TLE3: variants seen among roughly 807,000 people sequenced by gnomAD.
TLE3 encodes transducin-like enhancer protein 3.
TLE3 carries 14 observed loss-of-function variants against 93.0 expected under a neutral mutation model. That is an observed-to-expected ratio of 0.15 (90% CI 0.10 to 0.24). TLE3 has a LOEUF of 0.24. TLE3 is among the 10% of genes least tolerant of loss of function. The pLI is 1.00. For missense variants in TLE3, 693 were observed against 1,046.6 expected (o/e 0.66, Z 4.66); for synonymous variants, 451 against 425.0 (o/e 1.06, Z -0.75).
chr15:70,048,657 A>C lies in TLE3; in HGVS notation c.*1440T>G, dbSNP rs1294859559. ...AAAAAAAAGACCAAAAGGAAAAAAA[A>C]AACAAACAAAAAAAACCCAACCCAA... On this transcript the variant is annotated 3_prime_UTR_variant, in exon 20 of 20. Transcript: ENST00000451782. The C allele has an allele frequency of 6.6e-6, 1 of 152,072 alleles. No homozygotes were observed. The highest frequency in any genetic ancestry group is 1.5e-5 in the Non-Finnish European group (1 of 67,990). 9.4% of individuals were successfully genotyped at this position (152,072 alleles called of 1,614,324 possible). A position where few individuals can be genotyped will look rare whatever the true frequency, so the allele number is the denominator to read the frequency against.
chr15:70,051,590 C>A, intron 18 of TLE3, 123 bp from the exon 19 acceptor site: 2 of 486,758 alleles, frequency 4.1e-6, no homozygotes, highest in Non-Finnish European at 6.0e-6. Context: ...TATAACTCTC[C>A]AATTTCGAGA....
At chr15:70,053,457 A>C in intron 16 of TLE3, 83 bp from the exon 17 acceptor site, 11 of 1,480,728 alleles carry the variant, frequency 7.4e-6, no homozygotes, top group Non-Finnish European at 1.0e-5. Flanking sequence ...CAGTCTGAGC[A>C]GAAGAGAAAA....
chr15:70,072,136 G>A (rs1003093579), intron 6 of TLE3, among the ~76,000 whole-genome samples: 4 of 152,184 alleles, frequency 2.6e-5, no homozygotes, highest in Non-Finnish European at 5.9e-5. Flanking sequence ...TTGAAAATGG[G>A]GGTCACAGGC....
intron 15 of TLE3, 173 bp downstream of exon 15, chr15:70,054,876 A>G: frequency 1.6e-6 from 2 of 1,231,468 alleles, no homozygotes; most frequent in Non-Finnish European, 2.2e-6. Context: ...AGGAGGTCAG[A>G]ATCAGCCCCA....
At chr15:70,084,640 G>C (rs563396716) in intron 4 of TLE3, among the ~76,000 whole-genome samples, 2 of 152,310 alleles carry the variant, frequency 1.3e-5, no homozygotes, top group Admixed American at 1.3e-4. Flanking sequence ...TTCCAGTTCT[G>C]AATTGGCCAC....
At chr15:70,082,491 TG>T (rs1196497985) in intron 4 of TLE3, among the ~76,000 whole-genome samples, 1 of 152,198 alleles carries the variant, frequency 6.6e-6, no homozygotes, top group Non-Finnish European at 1.5e-5. Flanking sequence ...CTCCCGCTAC[TG>T]GAGGGGCTGG....
chr15:70,085,745 C>T (rs544637281), intron 4 of TLE3, among the ~76,000 whole-genome samples: 1 of 152,326 alleles, frequency 6.6e-6, no homozygotes, highest in African/African-American at 2.4e-5. Flanking sequence ...GAGCTCTAAA[C>T]CAGGCTGCTT....
At chr15:70,076,680 T>C (rs1465300184) in intron 4 of TLE3, among the ~76,000 whole-genome samples, 2 of 152,126 alleles carry the variant, frequency 1.3e-5, no homozygotes, top group Non-Finnish European at 2.9e-5. Context: ...CTCCCCCACA[T>C]ATATGCTACC....
In TLE3 at chr15:70,058,041, C is replaced by T. The variant is rs889332525; in HGVS notation, c.1051+118G>A. The T allele has an allele frequency of 1.3e-6, 2 of 1,490,392 alleles. No individual in the cohort carries two copies. Among genetic ancestry groups the T allele is most frequent in the Admixed American group, 2.1e-5 (1 of 48,564 alleles). The allele number at this position is 1,490,392 out of a possible 1,614,324, so 92.3% of individuals were successfully genotyped here. A position where few individuals can be genotyped will look rare whatever the true frequency, so the allele number is the denominator to read the frequency against. ...TGACCGTGAAGTCCCCAGGGGCAGG[C>T]CCTGGGAGACACTGCCTGTGCTCTA... On this transcript the variant is annotated intron_variant, in intron 12 of 19. Coordinates refer to ENST00000451782, the MANE Select transcript of TLE3 (RefSeq NM_001105192.3). The surrounding 1 kb of genome is among the most constrained non-coding windows in gnomAD (Gnocchi z 4.1).
chr15:70,076,690 C>T (rs934681706), intron 4 of TLE3, among the ~76,000 whole-genome samples: 1 of 152,126 alleles, frequency 6.6e-6, no homozygotes, highest in African/African-American at 2.4e-5. Flanking sequence ...TATATGCTAC[C>T]AGGCTAAAAT....
intron 4 of TLE3, among the ~76,000 whole-genome samples, chr15:70,088,415 T>C (rs1349357887): frequency 1.3e-5 from 2 of 152,078 alleles, no homozygotes; most frequent in Non-Finnish European, 2.9e-5. Context: ...TTATAAAGAA[T>C]TTTTTTTAAA....
intron 4 of TLE3, among the ~76,000 whole-genome samples, chr15:70,087,038 C>T (rs2058069573): frequency 6.6e-6 from 1 of 152,198 alleles, no homozygotes; most frequent in Non-Finnish European, 1.5e-5. Flanking sequence ...ACTAAGAAAG[C>T]TTCTATCCTT....
chr15:70,053,026 A>C, intron 17 of TLE3: 1 of 614,688 alleles, frequency 1.6e-6, no homozygotes, highest in South Asian at 2.6e-5. Context: ...AGTTGGGCCA[A>C]ATGTGTCCAA....
In TLE3 at chr15:70,050,146, ACAATG is replaced by A; in HGVS notation, c.2256_2260del (p.Ile753AsnfsTer5). 6.2e-7 allele frequency: 1 copy of A among 1,614,160 alleles called. No homozygotes were observed. The highest frequency in any genetic ancestry group is 8.5e-7 in the Non-Finnish European group (1 of 1,179,976). ...GGCCTTCTTGTCACCAGAGCCTGTT[ACAATG>A]TATTTGTCATCCGCTGAAATGTCAC... On this transcript the variant is annotated frameshift_variant, in exon 20 of 20. Transcript: ENST00000451782. LOFTEE classifies it high-confidence loss of function.
intron 4 of TLE3, 74 bp from the exon 5 acceptor site, chr15:70,076,232 A>ATGC (rs3830411): frequency 0.3 from 426,055 of 1,413,076 alleles, 68,681 homozygotes; most frequent in Admixed American, 0.44. Flanking sequence ...GCAAGTGGAA[A>ATGC]TGCAAACTCC....
chr15:70,052,420 C>A lies in TLE3; in HGVS notation c.2079G>T (p.Leu693=), dbSNP rs1322104604. Reference sequence around the variant, plus strand: ...AGAGCACGCAGCTCTCGTGCAGGTGCAGCTGGTACTTGTCAGGCTTGGTGT... The same window carrying A: ...AGAGCACGCAGCTCTCGTGCAGGTGAAGCTGGTACTTGTCAGGCTTGGTGT... ...LHHTKPDKYQ[L]HLHESCVLSL... Residue 693 remains leucine (L), a synonymous_variant, in exon 18 of 20, where the codon CTG becomes CTT. Coordinates refer to ENST00000451782, the MANE Select transcript of TLE3 (RefSeq NM_001105192.3). 6.2e-6 allele frequency: 10 copies of A among 1,613,940 alleles called. No homozygotes were observed. The highest frequency in any genetic ancestry group is 8.5e-6 in the Non-Finnish European group (10 of 1,179,948).
At chr15:70,084,286 A>G (rs1408878930) in intron 4 of TLE3, among the ~76,000 whole-genome samples, 1 of 152,278 alleles carries the variant, frequency 6.6e-6, no homozygotes, top group African/African-American at 2.4e-5. Context: ...CAATGTCTAG[A>G]GACATTTTTG....
Position 70,052,502 on chromosome 15 carries a change from G to T in TLE3, c.1997C>A (p.Pro666His). Residue 666 changes from proline to histidine, a missense_variant, in exon 18 of 20, where the codon CCC becomes CAC. By Grantham distance (77) the Pro-to-His change is moderately conservative. This residue lies in a region of TLE3 where 153 missense variants were observed against 379.9 expected (regional missense o/e 0.40). Transcript: ENST00000451782. ...GCCCACAGCCAGCCACTCCCCAGTG[G>T]GGCAGTAGCCCAGCGAGAAGATCTG... ...TSQIFSLGYC[P>H]TGEWLAVGME... is the part of the protein sequence containing the mutation. 1 of 1,613,690 alleles carries T rather than the reference G, an allele frequency of 6.2e-7. No homozygotes were observed. Among genetic ancestry groups the T allele is most frequent in the Non-Finnish European group, 8.5e-7 (1 of 1,179,884 alleles).
At chr15:70,079,562 T>G in intron 4 of TLE3, 1 of 388,586 alleles carries the variant, frequency 2.6e-6, no homozygotes, top group South Asian at 1.9e-5. Context: ...GAAGCAGGGA[T>G]TGGGCCTCCC....
Sources: allele counts gnomAD v4.1 joint callset (sites outside exome capture counted in the v4.1 genomes callset), GRCh38; gene constraint gnomAD v4.1.1; regional missense constraint gnomAD v4.1.1; non-coding constraint Gnocchi (gnomAD v3.1); transcripts MANE v1.5; gene names NCBI Gene and HGNC (gene_info 2026-07-23, HGNC 2026-07-21).